PRKX: variants seen among roughly 807,000 people sequenced by gnomAD.
PRKX encodes cAMP-dependent protein kinase catalytic subunit PRKX.
PRKX carries 12 observed loss-of-function variants against 22.0 expected under a neutral mutation model. The ratio of observed to expected loss-of-function variants is 0.54; its 90% CI spans 0.35 to 0.88. PRKX has a LOEUF of 0.88. PRKX is among the 40% of genes least tolerant of loss of function. The pLI is 0.01. For synonymous variants in PRKX, 134 were observed against 137.7 expected (o/e 0.97, Z 0.19); for missense variants, 217 against 308.0 (o/e 0.70, Z 2.21).
intron 1 of PRKX, among the ~76,000 whole-genome samples, chrX:3,695,687 C>T (rs1014447516): frequency 3.6e-5 from 4 of 111,792 alleles, no homozygotes; most frequent in Admixed American, 1.9e-4. Context: ...TGAGTCACAG[C>T]GCACATGACC....
intron 1 of PRKX, among the ~76,000 whole-genome samples, chrX:3,677,120 AG>A (rs896436936): frequency 1.8e-5 from 2 of 111,019 alleles, no homozygotes; most frequent in African/African-American, 6.6e-5. Flanking sequence ...GTAGGGCTTG[AG>A]GGGGAAGGGG....
chrX:3,653,845 A>ATGTGATATATATATTATATATTATATAC (rs1308410148), intron 3 of PRKX, among the ~76,000 whole-genome samples: 2 of 77,227 alleles, frequency 2.6e-5, no homozygotes, highest in Non-Finnish European at 4.5e-5. Context: ...ATTATATACT[A>ATGTGATATATATATTATATATTATATAC]TGTGATATAT....
chrX:3,647,295 C>T (rs1000011454), intron 3 of PRKX, among the ~76,000 whole-genome samples: 1 of 105,691 alleles, frequency 9.5e-6, no homozygotes, highest in African/African-American at 3.4e-5. Context: ...CATATTTATA[C>T]CATAATTTAT....
intron 2 of PRKX, among the ~76,000 whole-genome samples, chrX:3,672,606 G>A (rs186870518): frequency 2.0e-3 from 221 of 111,434 alleles, no homozygotes; most frequent in Non-Finnish European, 3.7e-3. Context: ...GGAGCCCATC[G>A]TCTCGGCTGC....
intron 6 of PRKX, among the ~76,000 whole-genome samples, chrX:3,617,192 CATACTT>C (rs1156351792): frequency 3.7e-5 from 4 of 109,470 alleles, no homozygotes; most frequent in African/African-American, 9.9e-5. Flanking sequence ...TAAATATACA[CATACTT>C]ATATACATAC....
Position 3,708,915 on chromosome X carries a change from C to T in PRKX, c.166+4173G>A, listed in dbSNP as rs537408490. Among the ~76,000 whole-genome samples the T allele has an allele frequency of 3.7e-5, 4 of 109,183 alleles. No individual in the cohort carries two copies. In the South Asian group the frequency reaches 1.2e-3, roughly 33 times the overall value. The allele number at this position is 109,183 out of a possible 115,157, so 94.8% of individuals were successfully genotyped here. On this transcript the variant is annotated intron_variant, in intron 1 of 8. Transcript: ENST00000262848. ...CTGTGGTGAGGGAATTCATCCTGCA[C>T]CATGGTTTGGAGGGTGGTAGCTGCC... is the stretch of plus-strand genomic sequence containing the variant.
At chrX:3,696,618 C>T (rs1027756043) in intron 1 of PRKX, among the ~76,000 whole-genome samples, 13 of 112,053 alleles carry the variant, frequency 1.2e-4, no homozygotes, top group Admixed American at 1.0e-3. Context: ...TTCTCACCAT[C>T]GTAAAATCAA....
chrX:3,625,873 G>A (rs1327200856), intron 5 of PRKX, among the ~76,000 whole-genome samples: 2 of 111,622 alleles, frequency 1.8e-5, no homozygotes, highest in African/African-American at 3.3e-5. Context: ...GCCCAGCCGC[G>A]TTCTTATATT....
intron 3 of PRKX, among the ~76,000 whole-genome samples, chrX:3,647,455 AATT>A (rs1355136234): frequency 1.9e-5 from 2 of 105,850 alleles, no homozygotes; most frequent in Admixed American, 1.0e-4. Flanking sequence ...TTTAATATAT[AATT>A]ATAATTAGAA....
intron 2 of PRKX, among the ~76,000 whole-genome samples, chrX:3,674,315 G>A (rs538644164): frequency 9.8e-5 from 11 of 111,709 alleles, no homozygotes; most frequent in African/African-American, 2.9e-4. Context: ...ATCCTTTTCC[G>A]GGCAGAGATA....
At chrX:3,670,727 TAG>T (rs1391918563) in intron 2 of PRKX, among the ~76,000 whole-genome samples, 1 of 111,115 alleles carries the variant, frequency 9.0e-6, no homozygotes, top group African/African-American at 3.3e-5. Flanking sequence ...GTACTTTTTG[TAG>T]AGACAGGGTC....
At chrX:3,681,749 C>A (rs927456864) in intron 1 of PRKX, among the ~76,000 whole-genome samples, 27 of 109,833 alleles carry the variant, frequency 2.5e-4, no homozygotes, top group African/African-American at 8.2e-4. Context: ...TGAGAAAGAA[C>A]AGAAAACACA....
chrX:3,699,600 C>T (rs188645346), intron 1 of PRKX, among the ~76,000 whole-genome samples: 15 of 111,952 alleles, frequency 1.3e-4, no homozygotes, highest in Non-Finnish European at 3.8e-5. Context: ...GTGATCCACC[C>T]GCCTTGGCCT....
chrX:3,618,348 T>G (rs1227298078), intron 6 of PRKX, among the ~76,000 whole-genome samples: 1 of 111,597 alleles, frequency 9.0e-6, no homozygotes, highest in African/African-American at 3.3e-5. Flanking sequence ...CTGGGTGCAG[T>G]GGCTCTTGCC....
At chrX:3,666,152 ATTTTT>A (rs34567097) in intron 2 of PRKX, among the ~76,000 whole-genome samples, 1 of 68,113 alleles carries the variant, frequency 1.5e-5, no homozygotes, top group African/African-American at 5.5e-5. Flanking sequence ...TGAACTGTAC[ATTTTT>A]TTTTTTTTTT....
At chrX:3,620,005 AG>A (rs778949577) in intron 6 of PRKX, among the ~76,000 whole-genome samples, 4 of 112,041 alleles carry the variant, frequency 3.6e-5, no homozygotes, top group African/African-American at 6.5e-5. Context: ...CACGCATATC[AG>A]GTATGATACT....
At position 3,610,340 on chromosome X, in the gene PRKX, G is replaced by A. The variant is rs933795370; in HGVS notation, c.*24-1395C>T. Among the ~76,000 whole-genome samples the A allele has an allele frequency of 1.9e-3, 208 of 110,781 alleles. 1 individual carries two copies. Among genetic ancestry groups the A allele is most frequent in the African/African-American group, 6.4e-3 (195 of 30,548 alleles). On this transcript the variant is annotated intron_variant, in intron 8 of 8. Transcript: ENST00000262848. ...ACTAAAAATACAAAACAATTAGCCT[G>A]GTGTGGTGGCAGGCACCTGTAATCC...
At chrX:3,676,532 T>G (rs1227313056) in intron 1 of PRKX, among the ~76,000 whole-genome samples, 1 of 112,183 alleles carries the variant, frequency 8.9e-6, no homozygotes, top group African/African-American at 3.2e-5. Flanking sequence ...ATGGTACATA[T>G]ACACGATGGA....
At chrX:3,666,558 A>G (rs1439879122) in intron 2 of PRKX, among the ~76,000 whole-genome samples, 1 of 111,713 alleles carries the variant, frequency 9.0e-6, no homozygotes, top group Non-Finnish European at 1.9e-5. Context: ...ATTGAGTGAG[A>G]TCAGGAGTTT....
Sources: gnomAD v4.1 joint callset for allele counts (sites outside exome capture counted in the v4.1 genomes callset) on GRCh38, gnomAD v4.1.1 for gene constraint, MANE v1.5 for transcripts, NCBI Gene and HGNC (gene_info 2026-07-23, HGNC 2026-07-21) for gene names.